Variants in CHRNA2 observed in about 807,000 individuals in gnomAD.
CHRNA2 encodes the protein neuronal acetylcholine receptor subunit alpha-2.
A neutral mutation model predicts 45.5 loss-of-function variants in CHRNA2; 40 were observed. The observed-to-expected ratio is 0.88, with a 90% confidence interval of 0.68 to 1.15. CHRNA2 has a LOEUF of 1.15. CHRNA2 is among the 50% of genes most tolerant of loss of function. CHRNA2 has a pLI of 0.00. For missense variants in CHRNA2, 655 were observed against 701.7 expected (o/e 0.93, Z 0.75); for synonymous variants, 301 against 296.7 (o/e 1.01, Z -0.15).
intron 1 of CHRNA2, among the ~76,000 whole-genome samples, chr8:27,474,253 C>T (rs1247799314): frequency 6.6e-6 from 1 of 152,166 alleles, no homozygotes; most frequent in Non-Finnish European, 1.5e-5. Context: ...GAATTGCTGG[C>T]ATATACTGAC....
chr8:27,472,301 T>C (rs1755866040), intron 1 of CHRNA2, among the ~76,000 whole-genome samples: 1 of 152,162 alleles, frequency 6.6e-6, no homozygotes, highest in Non-Finnish European at 1.5e-5. Context: ...GAAGCACAGG[T>C]AAAACAACCT....
At chr8:27,471,538 A>G (rs1353096593) in intron 1 of CHRNA2, among the ~76,000 whole-genome samples, 1 of 152,246 alleles carries the variant, frequency 6.6e-6, no homozygotes, top group African/African-American at 2.4e-5. Context: ...GGTACTATTC[A>G]CAAGATCCAA....
intron 4 of CHRNA2, among the ~76,000 whole-genome samples, chr8:27,468,828 A>G (rs1425871448): frequency 6.6e-6 from 1 of 152,230 alleles, no homozygotes; most frequent in Admixed American, 6.5e-5. Flanking sequence ...CCATAAAGCC[A>G]TGAGATACAG....
intron 4 of CHRNA2, 44 bp downstream of exon 4, chr8:27,469,291 A>T: frequency 6.5e-7 from 1 of 1,542,256 alleles, no homozygotes; most frequent in Non-Finnish European, 8.8e-7. Context: ...GGGTCCATGG[A>T]TTCCCGGTAC....
chr8:27,467,370 G>A (rs759799198), intron 4 of CHRNA2, 32 bp from the exon 5 acceptor site: 4 of 1,543,328 alleles, frequency 2.6e-6, no homozygotes, highest in East Asian at 2.3e-5. Context: ...TGTCAACCTC[G>A]CTTCCAGGGA....
intron 4 of CHRNA2, 40 bp from the exon 5 acceptor site, chr8:27,467,378 G>A (rs990354931): frequency 6.6e-7 from 1 of 1,519,116 alleles, no homozygotes. Context: ...TCGCTTCCAG[G>A]GAGCAGCCTA....
intron 1 of CHRNA2, among the ~76,000 whole-genome samples, chr8:27,472,328 A>G (rs550380766): frequency 2.6e-5 from 4 of 152,178 alleles, no homozygotes; most frequent in African/African-American, 9.7e-5. Context: ...TGTGATCGGC[A>G]TTGACATTGG....
At chr8:27,469,571 C>A in intron 3 of CHRNA2, 190 bp downstream of exon 3, 1 of 871,030 alleles carries the variant, frequency 1.1e-6, no homozygotes, top group South Asian at 1.4e-5. Context: ...CCAATCAATG[C>A]CCTCCTAGGA....
Position 27,463,195 on chromosome 8 carries a change from C to G in CHRNA2, c.1248G>C (p.Val416=), listed in dbSNP as rs370878600. 34 of 1,589,836 alleles carry G rather than the reference C, an allele frequency of 2.1e-5. No individual in the cohort carries two copies. Among genetic ancestry groups the G allele is most frequent in the Non-Finnish European group, 2.8e-5 (33 of 1,164,662 alleles). ...SNVDAEEREV[V]VEEEDRWACA... ...ATGCCCATCTGTCCTCCTCCTCCAC[C>G]ACCACCTCCCTCTCCTCGGCATCCA... Residue 416 remains valine, a synonymous_variant, in exon 6 of 7, where the codon GTG becomes GTC. Transcript: ENST00000407991. This position sits in a 1 kb window ranked among gnomAD's most constrained non-coding sequence, Gnocchi z 6.1.
chr8:27,463,955 G>A lies in CHRNA2; in HGVS notation c.488C>T (p.Ala163Val), dbSNP rs1182510864. 1 of 1,614,192 alleles carries A rather than the reference G, an allele frequency of 6.2e-7. No individual in the cohort carries two copies. The highest frequency in any genetic ancestry group is 8.5e-7 in the Non-Finnish European group (1 of 1,180,034). The part of the protein sequence containing the change: ...GEFAVTHMTK[A>V]HLFSTGTVHW... The stretch of plus-strand genomic sequence containing the variant: ...CACAGTGCCCGTGGAGAAGAGGTGG[G>A]CCTTGGTCATGTGGGTCACTGCAAA... Residue 163 changes from alanine (A) to valine (V), a missense_variant, in exon 6 of 7, where the codon GCC becomes GTC. By Grantham distance (64) the Ala-to-Val change is moderately conservative. Coordinates refer to ENST00000407991, the MANE Select transcript of CHRNA2 (RefSeq NM_000742.4). This position sits in a 1 kb window ranked among gnomAD's most constrained non-coding sequence, Gnocchi z 6.1.
chr8:27,462,334 A>C (rs1812518933), intron 6 of CHRNA2, among the ~76,000 whole-genome samples: 1 of 151,472 alleles, frequency 6.6e-6, no homozygotes, highest in African/African-American at 2.4e-5. Flanking sequence ...CTCAGTAATA[A>C]CCTCCCGGCC....
intron 1 of CHRNA2, among the ~76,000 whole-genome samples, chr8:27,476,693 C>A (rs143466269): frequency 6.6e-6 from 1 of 152,152 alleles, no homozygotes; most frequent in Non-Finnish European, 1.5e-5. Flanking sequence ...TGGCTCAGTG[C>A]CATCTAGAAG....
intron 6 of CHRNA2, among the ~76,000 whole-genome samples, chr8:27,462,002 A>C (rs1365662170): frequency 6.6e-6 from 1 of 152,118 alleles, no homozygotes; most frequent in Admixed American, 6.5e-5. Context: ...AGACCTGTCC[A>C]TATTATGCTC....
Position 27,461,006 on chromosome 8 carries a change from C to T in CHRNA2, c.*623G>A, listed in dbSNP as rs79796894. Reference sequence around the variant, plus strand: ...ACCTCCACATCAGGTGCAGGCCCTGCCTCCCGCTTCCTCCCCTTCCAGAAG... The same window carrying T: ...ACCTCCACATCAGGTGCAGGCCCTGTCTCCCGCTTCCTCCCCTTCCAGAAG... On this transcript the variant is annotated 3_prime_UTR_variant, in exon 7 of 7. Coordinates refer to ENST00000407991, the MANE Select transcript of CHRNA2 (RefSeq NM_000742.4). 0.025 allele frequency: 3,948 copies of T among 155,472 alleles called. 179 individuals carry two copies. Among genetic ancestry groups the T allele is most frequent in the African/African-American group, 0.09 (3,728 of 41,532 alleles). The allele number at this position is 155,472 out of a possible 1,614,324, so 9.6% of individuals were successfully genotyped here.
intron 1 of CHRNA2, among the ~76,000 whole-genome samples, chr8:27,476,968 G>A (rs1479199066): frequency 2.0e-5 from 3 of 149,824 alleles, no homozygotes; most frequent in Non-Finnish European, 4.4e-5. Flanking sequence ...GTGTGGGGAA[G>A]AGATATAATT....
intron 5 of CHRNA2, among the ~76,000 whole-genome samples, chr8:27,464,830 T>C (rs1007051169): frequency 6.6e-6 from 1 of 152,122 alleles, no homozygotes; most frequent in African/African-American, 2.4e-5. Flanking sequence ...GTACCAGAGC[T>C]GTGCAGAAGA....
chr8:27,471,605 C>T (rs1268233721), intron 1 of CHRNA2, among the ~76,000 whole-genome samples: 1 of 152,204 alleles, frequency 6.6e-6, no homozygotes, highest in African/African-American at 2.4e-5. Context: ...AATGGATGGA[C>T]AAAAGGCAGT....
At position 27,461,742 on chromosome 8, in the gene CHRNA2, A is replaced by C. The variant is rs1363338574; in HGVS notation, c.1477T>G (p.Trp493Gly). ...TCGATGACCATGGCAACATACTTCC[A>C]GTCCTCCTTCACCTGTGGGGAAGAC... ...EDADSSVKEDWKYVAMVIDRI... is the reference protein window; with the variant it reads ...EDADSSVKEDGKYVAMVIDRI... The change falls in exon 7 of 7, where the codon TGG becomes GGG. Residue 493 changes from tryptophan (W) to glycine (G), a missense_variant. This residue lies in a region of CHRNA2 where 295 missense variants were observed against 280.4 expected (regional missense o/e 1.05). Transcript: ENST00000407991. The C allele has an allele frequency of 6.2e-7, 1 of 1,614,154 alleles. No individual in the cohort carries two copies. Among genetic ancestry groups the C allele is most frequent in the Non-Finnish European group, 8.5e-7 (1 of 1,179,976 alleles).
At chr8:27,467,155 C>T in intron 5 of CHRNA2, 74 bp downstream of exon 5, 3 of 1,187,594 alleles carry the variant, frequency 2.5e-6, no homozygotes, top group Non-Finnish European at 2.5e-6. Context: ...CAGGGGGGCC[C>T]CTCCCAAGGC....
Sources: gnomAD v4.1 joint callset for allele counts (sites outside exome capture counted in the v4.1 genomes callset) on GRCh38, gnomAD v4.1.1 for gene constraint, gnomAD v4.1.1 regional missense constraint, Gnocchi (gnomAD v3.1) non-coding constraint, MANE v1.5 for transcripts, NCBI Gene and HGNC (gene_info 2026-07-23, HGNC 2026-07-21) for gene names.